MGMT: variants seen among roughly 807,000 people sequenced by gnomAD.
The protein encoded by MGMT is O-6-methylguanine-DNA methyltransferase, also known as methylated-DNA--protein-cysteine methyltransferase.
A neutral mutation model predicts 15.9 loss-of-function variants in MGMT; 14 were observed. The observed-to-expected ratio is 0.88, with a 90% confidence interval of 0.58 to 1.37. MGMT has a LOEUF of 1.37. MGMT is among the 40% of genes most tolerant of loss of function. The probability of loss-of-function intolerance (pLI) is 0.00; values close to 1 mark genes in which losing one functional copy is unlikely to be tolerated. For synonymous variants in MGMT, 130 were observed against 118.2 expected (o/e 1.10, Z -0.65); for missense variants, 282 against 268.1 (o/e 1.05, Z -0.36).
At chr10:129,728,377 C>A (rs1848457204) in intron 3 of MGMT, among the ~76,000 whole-genome samples, 1 of 152,040 alleles carries the variant, frequency 6.6e-6, no homozygotes, top group Admixed American at 6.5e-5. Context: ...GTGGGTGACG[C>A]CAGTGATGGC....
chr10:129,707,552 G>C (rs1420487102), intron 2 of MGMT, among the ~76,000 whole-genome samples: 2 of 152,274 alleles, frequency 1.3e-5, no homozygotes, highest in Admixed American at 6.5e-5. Flanking sequence ...TGACTGTGTC[G>C]ATATTTCTGG....
chr10:129,506,381 A>AC (rs1361445885), intron 1 of MGMT, among the ~76,000 whole-genome samples: 1 of 151,762 alleles, frequency 6.6e-6, no homozygotes, highest in African/African-American at 2.4e-5. Flanking sequence ...GCCATCTTGG[A>AC]CCCCTTCTTC....
At chr10:129,693,562 G>C (rs1847994812) in intron 2 of MGMT, among the ~76,000 whole-genome samples, 1 of 152,298 alleles carries the variant, frequency 6.6e-6, no homozygotes, top group South Asian at 2.1e-4. Flanking sequence ...TGTCTGCTCA[G>C]GGGGAGGCCT....
intron 3 of MGMT, among the ~76,000 whole-genome samples, chr10:129,726,057 C>G (rs1453640476): frequency 6.6e-6 from 1 of 152,072 alleles, no homozygotes; most frequent in Non-Finnish European, 1.5e-5. Context: ...TGGCTCAGGT[C>G]CACAAGGTCA....
chr10:129,760,723 C>T (rs1194069120), intron 4 of MGMT, among the ~76,000 whole-genome samples: 1 of 152,108 alleles, frequency 6.6e-6, no homozygotes, highest in Admixed American at 6.5e-5. Context: ...ATTGCATTGT[C>T]GTAATGTACA....
intron 2 of MGMT, among the ~76,000 whole-genome samples, chr10:129,653,911 G>A (rs1048918491): frequency 6.6e-6 from 1 of 152,242 alleles, no homozygotes; most frequent in East Asian, 1.9e-4. Flanking sequence ...GAGGAGAGCG[G>A]CCCTGCAGTC....
intron 2 of MGMT, among the ~76,000 whole-genome samples, chr10:129,643,368 TG>T (rs1847349935): frequency 6.6e-6 from 1 of 152,230 alleles, no homozygotes; most frequent in African/African-American, 2.4e-5. Flanking sequence ...AACTTTGAGT[TG>T]CAGTGGTTTT....
chr10:129,493,083 A>G (rs1231894771), intron 1 of MGMT, among the ~76,000 whole-genome samples: 5 of 152,152 alleles, frequency 3.3e-5, no homozygotes, highest in Non-Finnish European at 5.9e-5. Context: ...TTACGATGAC[A>G]CGGGACCTTG....
chr10:129,689,442 G>A (rs191629123), intron 2 of MGMT, among the ~76,000 whole-genome samples: 35 of 152,338 alleles, frequency 2.3e-4, no homozygotes, highest in African/African-American at 8.4e-4. Flanking sequence ...ATCATAATTA[G>A]GAGGAAGGCA....
intron 2 of MGMT, among the ~76,000 whole-genome samples, chr10:129,574,197 T>C (rs548496221): frequency 1.3e-4 from 20 of 152,354 alleles, no homozygotes; most frequent in African/African-American, 4.1e-4. Context: ...CTACAGCTTC[T>C]TGACCTTTTG....
intron 2 of MGMT, among the ~76,000 whole-genome samples, chr10:129,562,204 T>C (rs483959): frequency 0.56 from 85,124 of 152,080 alleles, 24,059 homozygotes; most frequent in South Asian, 0.65. Context: ...CACCATTCCC[T>C]TCTGAACCCT....
chr10:129,729,121 G>A (rs1486858432), intron 3 of MGMT, among the ~76,000 whole-genome samples: 1 of 152,116 alleles, frequency 6.6e-6, no homozygotes, highest in Non-Finnish European at 1.5e-5. Flanking sequence ...ACCCCAAGGA[G>A]TTGGAGGGTG....
intron 1 of MGMT, among the ~76,000 whole-genome samples, chr10:129,493,579 A>G (rs1198915358): frequency 6.6e-6 from 1 of 152,250 alleles, no homozygotes; most frequent in Non-Finnish European, 1.5e-5. Flanking sequence ...GAAGATTTAG[A>G]AAAAGTAATA....
intron 2 of MGMT, among the ~76,000 whole-genome samples, chr10:129,578,415 C>T (rs1475877173): frequency 2.6e-5 from 4 of 151,958 alleles, no homozygotes; most frequent in Admixed American, 2.6e-4. Flanking sequence ...CCATCATTCT[C>T]AGCAAACTAT....
intron 2 of MGMT, among the ~76,000 whole-genome samples, chr10:129,633,935 A>G (rs547855349): frequency 1.6e-4 from 24 of 152,302 alleles, no homozygotes; most frequent in Non-Finnish European, 3.1e-4. Context: ...GTGTTCCAAT[A>G]AAGTTTTATT....
intron 2 of MGMT, among the ~76,000 whole-genome samples, chr10:129,572,834 T>A (rs1846435753): frequency 6.6e-6 from 1 of 152,210 alleles, no homozygotes; most frequent in Non-Finnish European, 1.5e-5. Context: ...TGTATATGTG[T>A]ACCCAAGTGA....
chr10:129,658,950 C>CCG (rs1457481879), intron 2 of MGMT, among the ~76,000 whole-genome samples: 2 of 152,252 alleles, frequency 1.3e-5, no homozygotes, highest in Non-Finnish European at 2.9e-5. Context: ...CATTTTAGCT[C>CCG]CATCTGTGGC....
At chr10:129,584,508 G>A (rs1053236753) in intron 2 of MGMT, among the ~76,000 whole-genome samples, 6 of 150,266 alleles carry the variant, frequency 4.0e-5, no homozygotes, top group African/African-American at 9.8e-5. Flanking sequence ...CATTTAAATT[G>A]TACAGCATGC....
At chr10:129,488,917 G>T (rs1158153780) in intron 1 of MGMT, among the ~76,000 whole-genome samples, 1 of 152,192 alleles carries the variant, frequency 6.6e-6, no homozygotes, top group African/African-American at 2.4e-5. Context: ...CTAGAGAAAT[G>T]AGGAGAGACA....
Sources: allele counts gnomAD v4.1 joint callset (sites outside exome capture counted in the v4.1 genomes callset), GRCh38; gene constraint gnomAD v4.1.1; transcripts MANE v1.5; gene names NCBI Gene and HGNC (gene_info 2026-07-23, HGNC 2026-07-21).